The following KLF12 variants were observed in gnomAD, a reference collection of about 807,000 sequenced individuals.
KLF12 encodes Krueppel-like factor 12.
KLF12 carries 9 observed loss-of-function variants against 37.8 expected under a neutral mutation model. The ratio of observed to expected loss-of-function variants is 0.24; its 90% CI spans 0.14 to 0.42. The LOEUF is 0.42. Among genes scored for constraint, KLF12 ranks in the 10% least tolerant of loss-of-function variants. The pLI is 1.00. For missense variants in KLF12, 411 were observed against 516.0 expected, an observed-to-expected ratio of 0.80 and a Z score of 1.97; for synonymous variants, 208 against 202.1, an observed-to-expected ratio of 1.03 and a Z score of -0.25.
the KLF12 span, among the ~76,000 whole-genome samples, chr13:74,208,560 C>T: frequency 6.6e-6 from 1 of 152,038 alleles, no homozygotes; most frequent in Non-Finnish European, 1.5e-5. Flanking sequence ...AGTGAGTGTC[C>T]TTAGATTCCA....
the KLF12 span, among the ~76,000 whole-genome samples, chr13:74,139,371 A>G: frequency 2.0e-5 from 3 of 152,232 alleles, no homozygotes; most frequent in Admixed American, 1.3e-4. Flanking sequence ...TGATTAATGA[A>G]TGCTTCTTGA....
At chr13:73,754,935 G>GCAAAGA (rs1330754172) in intron 6 of KLF12, among the ~76,000 whole-genome samples, 228 of 152,234 alleles carry the variant, frequency 1.5e-3, no homozygotes, top group African/African-American at 5.3e-3. Flanking sequence ...TCACATGGTT[G>GCAAAGA]CCTTTAGCCT....
rs990249619 is a variant in KLF12 at position 73,694,372 on chromosome 13, A to G, written c.*1118T>C. ...AGATTACCTCAGTGCTGTAAATGGA[A>G]CCAAGACACCTAAAATGCTGGGGTG... On this transcript the variant is annotated 3_prime_UTR_variant, in exon 8 of 8. Transcript: ENST00000377669. 6.6e-6 allele frequency: 1 copy of G among 152,666 alleles called. No homozygotes were observed. Among genetic ancestry groups the G allele is most frequent in the South Asian group, 2.1e-4 (1 of 4,832 alleles). The allele number at this position is 152,666 out of a possible 1,614,324, so 9.5% of individuals were successfully genotyped here.
chr13:73,995,918 C>T (rs1247435124), intron 1 of KLF12, among the ~76,000 whole-genome samples: 1 of 152,142 alleles, frequency 6.6e-6, no homozygotes, highest in Non-Finnish European at 1.5e-5. Context: ...CTTTATTTTT[C>T]ATTTGGAATT....
intron 3 of KLF12, among the ~76,000 whole-genome samples, chr13:73,919,969 C>T (rs1889036713): frequency 6.6e-6 from 1 of 152,174 alleles, no homozygotes. Context: ...CGGCCAGCAG[C>T]ATTAGTTACC....
chr13:73,702,987 G>A (rs1874670458), intron 7 of KLF12, among the ~76,000 whole-genome samples: 1 of 152,076 alleles, frequency 6.6e-6, no homozygotes, highest in Admixed American at 6.6e-5. Flanking sequence ...CATAGTTTAC[G>A]GCAGCATACA....
chr13:74,141,109 G>T, the KLF12 span, among the ~76,000 whole-genome samples: 1 of 152,000 alleles, frequency 6.6e-6, no homozygotes, highest in Non-Finnish European at 1.5e-5. Flanking sequence ...GTATAGCTCA[G>T]GGGTATAGAA....
chr13:74,174,855 T>A, the KLF12 span, among the ~76,000 whole-genome samples: 1 of 152,234 alleles, frequency 6.6e-6, no homozygotes, highest in African/African-American at 2.4e-5. Flanking sequence ...CCAAATCTAT[T>A]TGATTTAAGG....
chr13:73,733,985 C>T (rs979443557), intron 6 of KLF12, among the ~76,000 whole-genome samples: 2 of 152,186 alleles, frequency 1.3e-5, no homozygotes, highest in East Asian at 3.9e-4. Flanking sequence ...GCTCTAGGAA[C>T]CCTGAGATCT....
intron 5 of KLF12, among the ~76,000 whole-genome samples, chr13:73,791,189 T>C (rs2138268468): frequency 6.6e-6 from 1 of 152,372 alleles, no homozygotes; most frequent in East Asian, 1.9e-4. Context: ...TAATTCATAA[T>C]TTGTATAGGC....
chr13:74,275,700 CTT>C, the KLF12 span, among the ~76,000 whole-genome samples: 4 of 144,082 alleles, frequency 2.8e-5, no homozygotes, highest in Admixed American at 6.9e-5. Flanking sequence ...TGTATATAAC[CTT>C]TTTTTTTTTT....
chr13:73,943,066 TAACA>T (rs1215037192), intron 3 of KLF12, among the ~76,000 whole-genome samples: 1 of 152,236 alleles, frequency 6.6e-6, no homozygotes, highest in Non-Finnish European at 1.5e-5. Context: ...TTTTATACTC[TAACA>T]GTGAGATTTT....
the KLF12 span, among the ~76,000 whole-genome samples, chr13:74,266,459 C>T: frequency 1.3e-5 from 2 of 152,268 alleles, no homozygotes; most frequent in African/African-American, 2.4e-5. Context: ...CATACCCATG[C>T]ATCCACGTGC....
At chr13:74,225,690 T>C in the KLF12 span, among the ~76,000 whole-genome samples, 4 of 152,100 alleles carry the variant, frequency 2.6e-5, no homozygotes, top group African/African-American at 7.2e-5. Context: ...TACAAACAGA[T>C]AAAGTTACAA....
At chr13:74,222,697 TTCAC>T in the KLF12 span, among the ~76,000 whole-genome samples, 1 of 152,186 alleles carries the variant, frequency 6.6e-6, no homozygotes, top group Non-Finnish European at 1.5e-5. Context: ...ATATTTGGTG[TTCAC>T]TCAAATAGTT....
the KLF12 span, among the ~76,000 whole-genome samples, chr13:74,171,657 T>C: frequency 6.6e-6 from 1 of 152,076 alleles, no homozygotes. Flanking sequence ...TTCACAATAA[T>C]TGAAAGGTGG....
chr13:73,698,968 C>T (rs1423484117), intron 7 of KLF12, among the ~76,000 whole-genome samples: 1 of 152,184 alleles, frequency 6.6e-6, no homozygotes, highest in Middle Eastern at 3.4e-3. Context: ...TTAGGATCCT[C>T]GATTCAAATT....
intron 3 of KLF12, among the ~76,000 whole-genome samples, chr13:73,914,365 TG>T (rs1381403634): frequency 6.6e-6 from 1 of 152,218 alleles, no homozygotes; most frequent in Non-Finnish European, 1.5e-5. Context: ...AGGGGGTGGT[TG>T]TGCTTATTAA....
At chr13:73,915,143 A>G (rs1456252421) in intron 3 of KLF12, among the ~76,000 whole-genome samples, 1 of 152,004 alleles carries the variant, frequency 6.6e-6, no homozygotes, top group Non-Finnish European at 1.5e-5. Context: ...GCGTCACTCC[A>G]ATTTCTGTTC....
Sources: allele counts gnomAD v4.1 joint callset (sites outside exome capture counted in the v4.1 genomes callset), GRCh38; gene constraint gnomAD v4.1.1; transcripts MANE v1.5; gene names NCBI Gene and HGNC (gene_info 2026-07-23, HGNC 2026-07-21).